Variants in MAP4K4 observed in about 807,000 individuals in gnomAD.
MAP4K4 encodes the protein mitogen-activated protein kinase kinase kinase kinase 4.
A neutral mutation model predicts 189.6 loss-of-function variants in MAP4K4; 38 were observed. The observed-to-expected ratio is 0.20, with a 90% confidence interval of 0.15 to 0.26. The LOEUF is 0.26. Among genes scored for constraint, MAP4K4 ranks in the 10% least tolerant of loss-of-function variants. The probability of loss-of-function intolerance (pLI) is 1.00; values close to 1 mark genes in which losing one functional copy is unlikely to be tolerated. For missense variants in MAP4K4, 1,054 were observed against 1,726.9 expected (o/e 0.61, Z 6.91); for synonymous variants, 610 against 624.3 (o/e 0.98, Z 0.34).
chr2:101,716,816 T>A (rs556711320), intron 2 of MAP4K4, among the ~76,000 whole-genome samples: 42 of 152,344 alleles, frequency 2.8e-4, no homozygotes, highest in African/African-American at 9.1e-4. Flanking sequence ...GTTGGCCGAC[T>A]TTTTAAGCAC....
At chr2:101,812,459 C>G (rs527976845) in intron 3 of MAP4K4, among the ~76,000 whole-genome samples, 1 of 152,162 alleles carries the variant, frequency 6.6e-6, no homozygotes, top group Admixed American at 6.5e-5. Flanking sequence ...TCACAGCACG[C>G]GTGCGTGTCC....
intron 3 of MAP4K4, chr2:101,797,155 G>A: frequency 9.1e-7 from 1 of 1,101,372 alleles, no homozygotes; most frequent in Non-Finnish European, 1.2e-6. Flanking sequence ...TGTAATGAAT[G>A]TGTTGTTCTT....
At chr2:101,883,439 C>T (rs1219831304) in intron 28 of MAP4K4, among the ~76,000 whole-genome samples, 1 of 152,140 alleles carries the variant, frequency 6.6e-6, no homozygotes, top group Non-Finnish European at 1.5e-5. Context: ...TCAAGCAATT[C>T]TCCTGCCTCA....
At chr2:101,803,029 G>A (rs1030147444) in intron 3 of MAP4K4, among the ~76,000 whole-genome samples, 8 of 151,960 alleles carry the variant, frequency 5.3e-5, no homozygotes, top group African/African-American at 1.9e-4. Context: ...CAGGTGATCC[G>A]CCCACCTCAG....
At chr2:101,761,731 A>AT (rs762106609) in intron 2 of MAP4K4, among the ~76,000 whole-genome samples, 13 of 151,562 alleles carry the variant, frequency 8.6e-5, no homozygotes, top group African/African-American at 2.7e-4. Context: ...AATTTTTTGT[A>AT]TTTTTAATAG....
chr2:101,829,561 G>A (rs1371387917), exon 6 of MAP4K4: 1 of 1,611,802 alleles, frequency 6.2e-7, no homozygotes, highest in African/African-American at 1.3e-5. Flanking sequence ...GGGCCAGAAT[G>A]TGTTGCTGAC....
intron 2 of MAP4K4, among the ~76,000 whole-genome samples, chr2:101,787,648 C>A (rs1339342728): frequency 6.6e-6 from 1 of 152,158 alleles, no homozygotes; most frequent in Non-Finnish European, 1.5e-5. Flanking sequence ...CCTTAGCACA[C>A]AATTATATGA....
intron 2 of MAP4K4, among the ~76,000 whole-genome samples, chr2:101,737,262 G>C (rs2060596901): frequency 6.6e-6 from 1 of 151,540 alleles, no homozygotes; most frequent in Admixed American, 6.6e-5. Context: ...AGAGCTGTGG[G>C]TTTTCTGCAG....
intron 3 of MAP4K4, among the ~76,000 whole-genome samples, chr2:101,796,536 T>C (rs2093715628): frequency 6.6e-6 from 1 of 152,212 alleles, no homozygotes. Context: ...ACTGTACTTG[T>C]GAAAGTATAA....
chr2:101,882,198 G>A (rs543157791), intron 27 of MAP4K4, among the ~76,000 whole-genome samples: 6 of 152,282 alleles, frequency 3.9e-5, no homozygotes, highest in African/African-American at 1.2e-4. Context: ...CATACTGATA[G>A]GTGTATGAAA....
intron 2 of MAP4K4, among the ~76,000 whole-genome samples, chr2:101,775,112 A>AGC (rs2083381027): frequency 6.7e-6 from 1 of 150,284 alleles, no homozygotes; most frequent in Non-Finnish European, 1.5e-5. Context: ...ATTTCAGGAC[A>AGC]ACCCCGGATC....
intron 2 of MAP4K4, among the ~76,000 whole-genome samples, chr2:101,744,198 G>A (rs373725502): frequency 3.9e-5 from 6 of 152,294 alleles, no homozygotes; most frequent in African/African-American, 1.2e-4. Flanking sequence ...CTTTTCCAGT[G>A]TATGCATAAA....
Position 101,730,378 on chromosome 2 carries a change from G to A in MAP4K4, c.123+31840G>A, listed in dbSNP as rs555779972. On this transcript the variant is annotated intron_variant, in intron 2 of 32. Transcript: ENST00000324219. The stretch of plus-strand genomic sequence containing the variant: ...AAGGGCACACCTTCTGTCTTGCCCC[G>A]CTCTCCTTTTTGGGGTTGTGGTAGG... Among the ~76,000 whole-genome samples the A allele has an allele frequency of 2.0e-4, 30 of 152,262 alleles. No individual in the cohort carries two copies. The South Asian group carries it at 2.3e-3, about 12-fold the overall frequency.
intron 20 of MAP4K4, 190 bp from the exon 21 acceptor site, chr2:101,867,839 C>T (rs2097860556): frequency 1.7e-6 from 1 of 590,862 alleles, no homozygotes; most frequent in East Asian, 2.8e-5. Context: ...TCTTTTAATC[C>T]CTCTGATGTT....
At chr2:101,834,167 T>C (rs1422061954) in intron 7 of MAP4K4, among the ~76,000 whole-genome samples, 1 of 148,152 alleles carries the variant, frequency 6.7e-6, no homozygotes, top group Non-Finnish European at 1.5e-5. Context: ...CTTTCCTTCC[T>C]TTCCTTCCCT....
exon 19 of MAP4K4, chr2:101,866,498 T>C: frequency 1.9e-6 from 3 of 1,613,638 alleles, no homozygotes; most frequent in Non-Finnish European, 2.5e-6. Context: ...TGGCAGCTCC[T>C]CAGGGTCCAG....
chr2:101,774,840 T>G (rs1263215991), intron 2 of MAP4K4, among the ~76,000 whole-genome samples: 1 of 152,106 alleles, frequency 6.6e-6, no homozygotes. Context: ...GTCTTAGTGC[T>G]GAAGAGACTT....
At chr2:101,794,744 T>C (rs1422236324) in intron 3 of MAP4K4, among the ~76,000 whole-genome samples, 1 of 152,252 alleles carries the variant, frequency 6.6e-6, no homozygotes, top group Non-Finnish European at 1.5e-5. Context: ...TTATGCACTA[T>C]ACGTAGTTAT....
At chr2:101,793,756 T>C (rs1252504677) in intron 3 of MAP4K4, among the ~76,000 whole-genome samples, 2 of 152,042 alleles carry the variant, frequency 1.3e-5, no homozygotes, top group African/African-American at 4.8e-5. Flanking sequence ...GGAAATTGAA[T>C]GGTGTGGCTG....
Sources: gnomAD v4.1 joint callset for allele counts (sites outside exome capture counted in the v4.1 genomes callset) on GRCh38, gnomAD v4.1.1 for gene constraint, MANE v1.5 for transcripts, NCBI Gene and HGNC (gene_info 2026-07-23, HGNC 2026-07-21) for gene names.